TUBA8: variants seen among roughly 807,000 people sequenced by gnomAD.
TUBA8 encodes tubulin alpha 8, also known as tubulin alpha-8 chain.
Under a neutral mutation model 34.7 loss-of-function variants are expected in TUBA8, and 29 were observed. That is an observed-to-expected ratio of 0.84 (90% confidence interval 0.62 to 1.14). TUBA8 has a LOEUF of 1.14. Ranked by LOEUF, TUBA8 falls within the 50% of genes most tolerant of loss-of-function variation. The pLI is 0.00. For synonymous variants in TUBA8, 226 were observed against 231.2 expected (o/e 0.98, Z 0.21); for missense variants, 541 against 599.2 (o/e 0.90, Z 1.01).
rs748013164 is a variant in TUBA8, at chr22:18,131,103, G to T, written c.1317G>T (p.Ser439=). 6.2e-7 allele frequency: 1 copy of T among 1,614,194 alleles called. No homozygotes were observed. Among genetic ancestry groups the T allele is most frequent in the Non-Finnish European group, 8.5e-7 (1 of 1,180,040 alleles). Residue 439 remains serine (S), a synonymous_variant, in exon 5 of 5, where the codon TCG becomes TCT. Coordinates refer to ENST00000330423, the MANE Select transcript of TUBA8 (RefSeq NM_018943.3). The surrounding 1 kb of genome is among the most constrained non-coding windows in gnomAD (Gnocchi z 5.3). ...ATTATGAAGAAGTGGGGACTGATTCGTTTGAAGAAGAAAATGAAGGGGAGG... is the reference window on the plus strand; with the variant it reads ...ATTATGAAGAAGTGGGGACTGATTCTTTTGAAGAAGAAAATGAAGGGGAGG... The part of the protein sequence containing the change: ...EKDYEEVGTD[S]FEEENEGEEF
Position 18,111,568 on chromosome 22 carries a change from C to A in TUBA8, c.3+700C>A. On this transcript the variant is annotated intron_variant, in intron 1 of 4. Coordinates refer to ENST00000330423, the MANE Select transcript of TUBA8 (RefSeq NM_018943.3). This position sits in a 1 kb window ranked among gnomAD's most constrained non-coding sequence, Gnocchi z 5.1. ...AGGGGGATCGCGGCTGCTCCCTTCCCTGCCCCCGCCCCTGGATCTTACTGA... is the reference window on the plus strand; with the variant it reads ...AGGGGGATCGCGGCTGCTCCCTTCCATGCCCCCGCCCCTGGATCTTACTGA... The A allele has an allele frequency of 6.6e-6, 1 of 152,294 alleles. No individual in the cohort carries two copies. The highest frequency in any genetic ancestry group is 1.5e-5 in the Non-Finnish European group (1 of 68,064). The allele number at this position is 152,294 out of a possible 1,614,324, so 9.4% of individuals were successfully genotyped here.
chr22:18,126,902 A>G lies in TUBA8; in HGVS notation c.924A>G (p.Arg308=), dbSNP rs750302062. 3.7e-6 allele frequency: 6 copies of G among 1,612,030 alleles called. No homozygotes were observed. The African/African-American group carries it at 5.3e-5, about 14-fold the overall frequency. Residue 308 remains arginine, a synonymous_variant, in exon 4 of 5, where the codon AGA becomes AGG. Transcript: ENST00000330423. The surrounding 1 kb of genome is among the most constrained non-coding windows in gnomAD (Gnocchi z 4.0). ...GCCAGATGGTGAAGTGCGACCCGAG[A>G]CATGGCAAGTACATGGCCTGCTGCA... The part of the protein sequence containing the change: ...PNSQMVKCDP[R]HGKYMACCML...
chr22:18,111,148 A>T lies in TUBA8; in HGVS notation c.3+280A>T. ...GGGGAGGGAGGCCCTGGGGAGCCCG[A>T]CGGAGAAGGGGGCGAGATTCTGGGG... On this transcript the variant is annotated intron_variant, in intron 1 of 4. Transcript: ENST00000330423. The surrounding 1 kb of genome is among the most constrained non-coding windows in gnomAD (Gnocchi z 5.1). 4 of 566,108 alleles carry T rather than the reference A, an allele frequency of 7.1e-6. No individual in the cohort carries two copies. Among genetic ancestry groups the T allele is most frequent in the Non-Finnish European group, 1.3e-5 (4 of 319,758 alleles). The allele number at this position is 566,108 out of a possible 1,614,324, so 35.1% of individuals were successfully genotyped here. A position where few individuals can be genotyped will look rare whatever the true frequency, so the allele number is the denominator to read the frequency against.
rs1927789688 is a variant in TUBA8 at position 18,111,075 on chromosome 22, GCCAGTTGTTC to G, written c.3+209_3+218del. On this transcript the variant is annotated intron_variant, in intron 1 of 4. Coordinates refer to ENST00000330423, the MANE Select transcript of TUBA8 (RefSeq NM_018943.3). This position sits in a 1 kb window ranked among gnomAD's most constrained non-coding sequence, Gnocchi z 5.1. Reference sequence around the variant, plus strand: ...CGTATGGGGGAAATAGAGACCAGGGGCCAGTTGTTCCTTAAAGGGACCTAAGGGAGCTTTG... The same window carrying G: ...CGTATGGGGGAAATAGAGACCAGGGGCTTAAAGGGACCTAAGGGAGCTTTG... 18 of 720,760 alleles carry G rather than the reference GCCAGTTGTTC, an allele frequency of 2.5e-5. No homozygotes were observed. The highest frequency in any genetic ancestry group is 3.9e-4 in the Middle Eastern group (1 of 2,566). The allele number at this position is 720,760 out of a possible 1,614,324, so 44.6% of individuals were successfully genotyped here.
In TUBA8 at chr22:18,121,076, T is replaced by C. The variant is rs1213469738; in HGVS notation, c.4-403T>C. The C allele has an allele frequency of 4.1e-5, 11 of 265,978 alleles. No homozygotes were observed. The highest frequency in any genetic ancestry group is 8.1e-5 in the Non-Finnish European group (11 of 135,328). 16.5% of individuals were successfully genotyped at this position (265,978 alleles called of 1,614,324 possible). On this transcript the variant is annotated intron_variant, in intron 1 of 4. Coordinates refer to ENST00000330423, the MANE Select transcript of TUBA8 (RefSeq NM_018943.3). This position sits in a 1 kb window ranked among gnomAD's most constrained non-coding sequence, Gnocchi z 4.8. ...TGTGCACAATGTCAGAAAGTCAGGG[T>C]CAGGAGCAGCTGTGAATGCTGCCTT...
At chr22:18,130,001 C>A (rs1204373988) in intron 4 of TUBA8, 2 of 152,212 alleles carry the variant, frequency 1.3e-5, no homozygotes, top group East Asian at 1.9e-4. Flanking sequence ...CTTGGCAAGA[C>A]CTTCAACAAC....
Position 18,130,921 on chromosome 22 carries a change from A to G in TUBA8, c.1135A>G (p.Ser379Gly), listed in dbSNP as rs1384065816. ...AKVQRAVCML[S>G]NTTAIAEAWA... Reference sequence around the variant, plus strand: ...GGTGCAGCGGGCCGTCTGCATGCTCAGCAACACCACGGCCATTGCGGAGGC... The same window carrying G: ...GGTGCAGCGGGCCGTCTGCATGCTCGGCAACACCACGGCCATTGCGGAGGC... The change falls in exon 5 of 5, where the codon AGC becomes GGC. Residue 379 changes from serine (S) to glycine (G), a missense_variant. Physicochemically the swap from Ser to Gly is moderately conservative, Grantham distance 56. Transcript: ENST00000330423. 1 of 1,614,038 alleles carries G rather than the reference A, an allele frequency of 6.2e-7. No individual in the cohort carries two copies. Among genetic ancestry groups the G allele is most frequent in the East Asian group, 2.2e-5 (1 of 44,886 alleles).
chr22:18,113,357 C>CT (rs1927868386), intron 1 of TUBA8: 1 of 152,228 alleles, frequency 6.6e-6, no homozygotes, highest in Non-Finnish European at 1.5e-5. Flanking sequence ...CCATCCATTC[C>CT]CAGTGTTCTA....
At chr22:18,127,394 GTTT>G (rs1302279460) in intron 4 of TUBA8, 107 of 147,306 alleles carry the variant, frequency 7.3e-4, no homozygotes, top group South Asian at 2.4e-3. Flanking sequence ...CGTTAGTTTT[GTTT>G]TTTTTTTTTT....
chr22:18,110,923 G>C lies in TUBA8; in HGVS notation c.3+55G>C. 1 of 1,537,814 alleles carries C rather than the reference G, an allele frequency of 6.5e-7. No homozygotes were observed. The highest frequency in any genetic ancestry group is 8.7e-7 in the Non-Finnish European group (1 of 1,148,580). Reference sequence around the variant, plus strand: ...GGGCGCGCGGCAGGCGTAGGACCGAGAGCCGAGTCTACGCGGAGGCGCACG... The same window carrying C: ...GGGCGCGCGGCAGGCGTAGGACCGACAGCCGAGTCTACGCGGAGGCGCACG... On this transcript the variant is annotated intron_variant, in intron 1 of 4. Coordinates refer to ENST00000330423, the MANE Select transcript of TUBA8 (RefSeq NM_018943.3). This position sits in a 1 kb window ranked among gnomAD's most constrained non-coding sequence, Gnocchi z 6.2.
At chr22:18,113,247 G>A (rs1927865124) in intron 1 of TUBA8, 1 of 152,306 alleles carries the variant, frequency 6.6e-6, no homozygotes, top group African/African-American at 2.4e-5. Flanking sequence ...GTAAGAAGCT[G>A]CGTAGGGGCT....
Position 18,111,356 on chromosome 22 carries a change from G to A in TUBA8, c.3+488G>A, listed in dbSNP as rs1280933197. 6.1e-6 allele frequency: 1 copy of A among 164,128 alleles called. No homozygotes were observed. Among genetic ancestry groups the A allele is most frequent in the Non-Finnish European group, 1.3e-5 (1 of 75,562 alleles). The allele number at this position is 164,128 out of a possible 1,614,324, so 10.2% of individuals were successfully genotyped here. A position where few individuals can be genotyped will look rare whatever the true frequency, so the allele number is the denominator to read the frequency against. On this transcript the variant is annotated intron_variant, in intron 1 of 4. Transcript: ENST00000330423. This position sits in a 1 kb window ranked among gnomAD's most constrained non-coding sequence, Gnocchi z 5.1. ...GCGCCACGGTCCCCCCACGCGTGGA[G>A]GTCTTTCTCGCAAGCCTGGCCAGCG... is the stretch of plus-strand genomic sequence containing the variant.
intron 2 of TUBA8, chr22:18,123,821 CGCCTCG>C (rs1928232240): frequency 1.5e-5 from 5 of 339,090 alleles, no homozygotes; most frequent in South Asian, 1.0e-4. Context: ...GCAATCTGCC[CGCCTCG>C]GCCTCCCAAA....
At chr22:18,112,045 C>T (rs1339292954) in intron 1 of TUBA8, 1 of 152,118 alleles carries the variant, frequency 6.6e-6, no homozygotes, top group Admixed American at 6.5e-5. Context: ...CTATTTCTGC[C>T]TGAGGACCCT....
rs1057497327 is a variant in TUBA8 at position 18,118,071 on chromosome 22, T to C, written c.4-3408T>C. 2.6e-5 allele frequency: 4 copies of C among 152,184 alleles called. No individual in the cohort carries two copies. Among genetic ancestry groups the C allele is most frequent in the African/African-American group, 7.2e-5 (3 of 41,434 alleles). The allele number at this position is 152,184 out of a possible 1,614,324, so 9.4% of individuals were successfully genotyped here. ...TGGCCCACAGTTAGCGATGCTGAGA[T>C]TGATCGCGGCCTTAGGCTGGCGACC... On this transcript the variant is annotated intron_variant, in intron 1 of 4. Coordinates refer to ENST00000330423, the MANE Select transcript of TUBA8 (RefSeq NM_018943.3). The surrounding 1 kb of genome is among the most constrained non-coding windows in gnomAD (Gnocchi z 4.0).
chr22:18,121,899 A>G lies in TUBA8; in HGVS notation c.226+198A>G, dbSNP rs1225386366. 4 of 594,434 alleles carry G rather than the reference A, an allele frequency of 6.7e-6. No individual in the cohort carries two copies. The African/African-American group carries it at 7.4e-5, about 11-fold the overall frequency. 36.8% of individuals were successfully genotyped at this position (594,434 alleles called of 1,614,324 possible). A position where few individuals can be genotyped will look rare whatever the true frequency, so the allele number is the denominator to read the frequency against. On this transcript the variant is annotated intron_variant, in intron 2 of 4. Transcript: ENST00000330423. This position sits in a 1 kb window ranked among gnomAD's most constrained non-coding sequence, Gnocchi z 4.8. ...ATCTCATGACAGTGATCAAGACTCTATGCAGAACAAAATGCCTCCCACTTC... is the reference window on the plus strand; with the variant it reads ...ATCTCATGACAGTGATCAAGACTCTGTGCAGAACAAAATGCCTCCCACTTC...
At chr22:18,116,126 G>C (rs1205345566) in intron 1 of TUBA8, 2 of 152,372 alleles carry the variant, frequency 1.3e-5, no homozygotes, top group Non-Finnish European at 2.9e-5. Flanking sequence ...TGCTGGGTCA[G>C]CTTCCCCTTG....
At chr22:18,123,759 G>A (rs1429057333) in intron 2 of TUBA8, 5 of 263,614 alleles carry the variant, frequency 1.9e-5, no homozygotes, top group African/African-American at 1.1e-4. Context: ...TATTTTAGTA[G>A]AGATGGGGTT....
At chr22:18,125,338 A>T (rs1928279124) in intron 3 of TUBA8, 1 of 151,542 alleles carries the variant, frequency 6.6e-6, no homozygotes, top group Admixed American at 6.6e-5. Flanking sequence ...ACATGTTAAA[A>T]CCCCATCTTT....
Sources: allele counts gnomAD v4.1 joint callset, GRCh38; gene constraint gnomAD v4.1.1; non-coding constraint Gnocchi (gnomAD v3.1); transcripts MANE v1.5; gene names NCBI Gene and HGNC (gene_info 2026-07-23, HGNC 2026-07-21).